ERBB4: variants seen among roughly 807,000 people sequenced by gnomAD.
ERBB4 encodes receptor tyrosine-protein kinase erbB-4.
In ERBB4, 42 loss-of-function variants were observed where a neutral mutation model predicts 158.0. That is an observed-to-expected ratio of 0.27 (90% CI 0.21 to 0.34). The LOEUF is 0.34. Among genes scored for constraint, ERBB4 ranks in the 10% least tolerant of loss-of-function variants. The pLI is 1.00. For missense variants in ERBB4, 1,333 were observed against 1,624.1 expected, an observed-to-expected ratio of 0.82 and a Z score of 3.08; for synonymous variants, 583 against 558.7, an observed-to-expected ratio of 1.04 and a Z score of -0.61.
Position 211,382,045 on chromosome 2 carries a change from T to C in ERBB4, c.*1570A>G. 1 of 229,472 alleles carries C rather than the reference T, an allele frequency of 4.4e-6. No individual in the cohort carries two copies. Among genetic ancestry groups the C allele is most frequent in the Non-Finnish European group, 8.6e-6 (1 of 115,736 alleles). The allele number at this position is 229,472 out of a possible 1,614,324, so 14.2% of individuals were successfully genotyped here. ...CAGTATATGAAGAAAGGGAATTATA[T>C]AAAGTATCAAAAGATTAGTGTGTTG... On this transcript the variant is annotated 3_prime_UTR_variant, in exon 28 of 28. Coordinates refer to ENST00000342788, the MANE Select transcript of ERBB4 (RefSeq NM_005235.3).
At chr2:212,346,235 A>C (rs1679633843) in intron 1 of ERBB4, among the ~76,000 whole-genome samples, 1 of 152,134 alleles carries the variant, frequency 6.6e-6, no homozygotes, top group Non-Finnish European at 1.5e-5. Context: ...TGGGCCAGCA[A>C]AACATTTAAC....
chr2:212,357,672 A>T (rs2089514634), intron 1 of ERBB4, among the ~76,000 whole-genome samples: 1 of 151,544 alleles, frequency 6.6e-6, no homozygotes, highest in Admixed American at 6.6e-5. Flanking sequence ...ACCTCCTTCG[A>T]TCTGTTTTAA....
chr2:211,524,513 G>A (rs1222230502), intron 20 of ERBB4, among the ~76,000 whole-genome samples: 1 of 151,856 alleles, frequency 6.6e-6, no homozygotes, highest in Non-Finnish European at 1.5e-5. Flanking sequence ...CAGGTCCCGA[G>A]CCCTGCCCCG....
At chr2:212,296,776 G>A (rs2086428736) in intron 1 of ERBB4, among the ~76,000 whole-genome samples, 1 of 151,850 alleles carries the variant, frequency 6.6e-6, no homozygotes. Flanking sequence ...CTTGGACCAG[G>A]GTGAGGCAAG....
chr2:212,498,077 G>A (rs1001520710), intron 1 of ERBB4, among the ~76,000 whole-genome samples: 5 of 143,690 alleles, frequency 3.5e-5, no homozygotes, highest in African/African-American at 1.2e-4. Flanking sequence ...CATCCTACAG[G>A]GAAACAAAAG....
At chr2:211,838,003 T>C (rs72931619) in intron 3 of ERBB4, among the ~76,000 whole-genome samples, 26 of 152,078 alleles carry the variant, frequency 1.7e-4, no homozygotes, top group Non-Finnish European at 3.2e-4. Flanking sequence ...AATGCCAAAG[T>C]GGACTGCTTG....
intron 19 of ERBB4, among the ~76,000 whole-genome samples, chr2:211,578,260 C>T (rs530464103): frequency 2.2e-4 from 33 of 152,206 alleles, no homozygotes; most frequent in African/African-American, 7.2e-4. Flanking sequence ...AGTGAAGGAC[C>T]TCTTCGAGGA....
intron 2 of ERBB4, among the ~76,000 whole-genome samples, chr2:212,060,120 C>T (rs938171851): frequency 1.1e-4 from 17 of 151,988 alleles, no homozygotes; most frequent in South Asian, 2.1e-4. Flanking sequence ...TACAAAAAAA[C>T]GAACAATTCC....
chr2:212,200,583 T>C (rs2082561272), intron 1 of ERBB4, among the ~76,000 whole-genome samples: 1 of 152,178 alleles, frequency 6.6e-6, no homozygotes, highest in Non-Finnish European at 1.5e-5. Context: ...GAACACTGTA[T>C]GGCTGAAATG....
intron 2 of ERBB4, among the ~76,000 whole-genome samples, chr2:212,076,838 C>T (rs548707023): frequency 2.9e-4 from 44 of 151,752 alleles, no homozygotes; most frequent in African/African-American, 1.1e-3. Context: ...CAAAAGACAG[C>T]TTAAGAGAGT....
intron 1 of ERBB4, among the ~76,000 whole-genome samples, chr2:212,479,546 C>CCT (rs1256138341): frequency 6.6e-6 from 1 of 151,846 alleles, no homozygotes. Flanking sequence ...TCATTAAATT[C>CCT]CTCTCTCTCT....
At chr2:212,405,902 A>G (rs1039602816) in intron 1 of ERBB4, among the ~76,000 whole-genome samples, 5 of 152,080 alleles carry the variant, frequency 3.3e-5, no homozygotes, top group African/African-American at 9.7e-5. Flanking sequence ...TAGAACTTCT[A>G]CACTCTCGCT....
intron 20 of ERBB4, among the ~76,000 whole-genome samples, chr2:211,449,636 T>C (rs1013744204): frequency 6.6e-6 from 1 of 152,226 alleles, no homozygotes; most frequent in African/African-American, 2.4e-5. Context: ...TCATGTATTA[T>C]AGCCCATTTT....
At chr2:211,924,974 G>A (rs575294569) in intron 3 of ERBB4, among the ~76,000 whole-genome samples, 5 of 152,172 alleles carry the variant, frequency 3.3e-5, no homozygotes, top group Non-Finnish European at 5.9e-5. Context: ...ATAGTAAAGT[G>A]TCTGAGCTCC....
rs1473980178 is a variant in ERBB4, at chr2:211,928,468, G to C, written c.421+18962C>G. Among the ~76,000 whole-genome samples, 3 of 152,138 alleles carry C rather than the reference G, an allele frequency of 2.0e-5. No homozygotes were observed. The East Asian group carries it at 5.8e-4, about 29-fold the overall frequency. ...AGGCTGGGGGCTACCCCTGGTAAGA[G>C]GGCTCGGACTTCTTAAACCACAGAG... On this transcript the variant is annotated intron_variant, in intron 3 of 27. Coordinates refer to ENST00000342788, the MANE Select transcript of ERBB4 (RefSeq NM_005235.3).
chr2:211,622,892 G>A (rs2125854400), intron 18 of ERBB4, among the ~76,000 whole-genome samples: 1 of 144,750 alleles, frequency 6.9e-6, no homozygotes, highest in South Asian at 2.3e-4. Flanking sequence ...GAACCTGGGA[G>A]GAGGAGGTTG....
intron 3 of ERBB4, among the ~76,000 whole-genome samples, chr2:211,791,654 G>C (rs1489092376): frequency 6.6e-6 from 1 of 151,898 alleles, no homozygotes; most frequent in South Asian, 2.1e-4. Flanking sequence ...ATAGAAAAAA[G>C]CTGCTATGAG....
At chr2:212,523,082 T>A (rs952587975) in intron 1 of ERBB4, among the ~76,000 whole-genome samples, 25 of 151,878 alleles carry the variant, frequency 1.6e-4, no homozygotes, top group African/African-American at 6.0e-4. Flanking sequence ...AGGTTTATAG[T>A]GTAGATCCAA....
In ERBB4 at chr2:211,392,662, G is replaced by C. The variant is rs188895455; in HGVS notation, c.3136-4670C>G. Among the ~76,000 whole-genome samples, 12 of 150,048 alleles carry C rather than the reference G, an allele frequency of 8.0e-5. No homozygotes were observed. In the Admixed American group the frequency reaches 8.0e-4, roughly 10 times the overall value. On this transcript the variant is annotated intron_variant, in intron 25 of 27. Transcript: ENST00000342788. Reference sequence around the variant, plus strand: ...TTGACTTGGGCTCTTATTCTTTTTTGTTGTTGTTTGTTTGTTTGTTTTTCG... The same window carrying C: ...TTGACTTGGGCTCTTATTCTTTTTTCTTGTTGTTTGTTTGTTTGTTTTTCG...
Sources: gnomAD v4.1 joint callset for allele counts (sites outside exome capture counted in the v4.1 genomes callset) on GRCh38, gnomAD v4.1.1 for gene constraint, MANE v1.5 for transcripts, NCBI Gene and HGNC (gene_info 2026-07-23, HGNC 2026-07-21) for gene names.